The following CCDC38 variants were observed in gnomAD, a reference collection of about 807,000 sequenced individuals.
CCDC38 encodes the protein coiled-coil domain containing 38, also known as coiled-coil domain-containing protein 38.
CCDC38 carries 69 observed loss-of-function variants against 72.8 expected under a neutral mutation model. The ratio of observed to expected loss-of-function variants is 0.95; its 90% confidence interval spans 0.78 to 1.16. CCDC38 has a LOEUF of 1.16. Among genes scored for constraint, CCDC38 ranks in the 50% most tolerant of loss-of-function variants. The probability of loss-of-function intolerance (pLI) is 0.00; values close to 1 mark genes in which losing one functional copy is unlikely to be tolerated. For synonymous variants in CCDC38, 201 were observed against 213.2 expected (o/e 0.94, Z 0.50); for missense variants, 626 against 638.9 (o/e 0.98, Z 0.22).
chr12:95,904,057 G>C (rs563008176), intron 5 of CCDC38, among the ~76,000 whole-genome samples: 60 of 134,432 alleles, frequency 4.5e-4, no homozygotes, highest in Non-Finnish European at 6.9e-4. Context: ...ATTTCTTTAA[G>C]AGACATAAAG....
chr12:95,879,622 C>A lies in CCDC38; in HGVS notation c.1142+22G>T. ...TTAGAAATTGCTTAATGGAATAAAT[C>A]TACTTGTTTATAATGACTTACGTTT... On this transcript the variant is annotated intron_variant, in intron 12 of 15. Transcript: ENST00000344280. The surrounding 1 kb of genome is among the most constrained non-coding windows in gnomAD (Gnocchi z 5.5). 1.3e-6 allele frequency: 2 copies of A among 1,526,632 alleles called. No individual in the cohort carries two copies. The allele number at this position is 1,526,632 out of a possible 1,614,324, so 94.6% of individuals were successfully genotyped here. A position where few individuals can be genotyped will look rare whatever the true frequency, so the allele number is the denominator to read the frequency against.
rs1371771210 is a variant in CCDC38 at position 95,903,634 on chromosome 12, T to A, written c.369+2753A>T. On this transcript the variant is annotated intron_variant, in intron 5 of 15. Transcript: ENST00000344280. ...GATATTGTTGAGTGGTTTTTCTGCA[T>A]CAATTGGGATAATCATATGGGTTTT... 5 of 536,578 alleles carry A rather than the reference T, an allele frequency of 9.3e-6. No homozygotes were observed. The East Asian group carries it at 1.4e-4, about 16-fold the overall frequency. The allele number at this position is 536,578 out of a possible 1,614,324, so 33.2% of individuals were successfully genotyped here.
intron 8 of CCDC38, among the ~76,000 whole-genome samples, chr12:95,893,655 G>GT (rs975427460): frequency 1.3e-5 from 2 of 151,696 alleles, no homozygotes; most frequent in Admixed American, 6.6e-5. Flanking sequence ...CTAATATTTT[G>GT]TTTTTTGTAG....
chr12:95,934,587 T>TA (rs2080371714), intron 2 of CCDC38: 1 of 151,698 alleles, frequency 6.6e-6, no homozygotes, highest in South Asian at 2.1e-4. Flanking sequence ...ATCCTTTAAT[T>TA]AAAAAAGGCA....
At chr12:95,908,220 G>A (rs1421246279) in intron 4 of CCDC38, among the ~76,000 whole-genome samples, 3 of 151,622 alleles carry the variant, frequency 2.0e-5, no homozygotes, top group Non-Finnish European at 2.9e-5. Context: ...GGCACCTCGG[G>A]AGGCCGAGGC....
At chr12:95,882,857 C>G (rs1230427939) in intron 10 of CCDC38, among the ~76,000 whole-genome samples, 2 of 152,212 alleles carry the variant, frequency 1.3e-5, no homozygotes, top group African/African-American at 4.8e-5. Context: ...AACTGGACAT[C>G]ATTACCCACA....
chr12:95,872,108 A>G, intron 14 of CCDC38, 147 bp downstream of exon 14: 1 of 676,648 alleles, frequency 1.5e-6, no homozygotes, highest in Non-Finnish European at 2.6e-6. Context: ...GCTAAATAAT[A>G]GCTATATGAG....
Position 95,879,132 on chromosome 12 carries a change from A to T in CCDC38, c.1142+512T>A, listed in dbSNP as rs144777605. Reference sequence around the variant, plus strand: ...AGATGAGGAAGGAATTTTGTGAGGGATCAAATCCAGCTGCTTTCCCCTGAC... The same window carrying T: ...AGATGAGGAAGGAATTTTGTGAGGGTTCAAATCCAGCTGCTTTCCCCTGAC... On this transcript the variant is annotated intron_variant, in intron 12 of 15. Coordinates refer to ENST00000344280, the MANE Select transcript of CCDC38 (RefSeq NM_182496.3). This position sits in a 1 kb window ranked among gnomAD's most constrained non-coding sequence, Gnocchi z 5.5. 9.8e-5 allele frequency among the ~76,000 whole-genome samples: 15 copies of T among 152,310 alleles called. No individual in the cohort carries two copies. The highest frequency in any genetic ancestry group is 5.9e-4 in the Admixed American group (9 of 15,302).
intron 2 of CCDC38, among the ~76,000 whole-genome samples, chr12:95,922,488 G>A (rs1022412176): frequency 6.6e-6 from 1 of 152,186 alleles, no homozygotes; most frequent in South Asian, 2.1e-4. Context: ...AGGAGGATGT[G>A]ATTGACTTGT....
chr12:95,940,029 T>C (rs1340897796), intron 1 of CCDC38, among the ~76,000 whole-genome samples: 2 of 152,224 alleles, frequency 1.3e-5, no homozygotes, highest in African/African-American at 4.8e-5. Flanking sequence ...CCTGGTGCAA[T>C]TTTCAAACAC....
chr12:95,941,504 G>A (rs914995694), intron 1 of CCDC38, among the ~76,000 whole-genome samples: 1 of 152,050 alleles, frequency 6.6e-6, no homozygotes, highest in Non-Finnish European at 1.5e-5. Context: ...AATTCCCCAA[G>A]GTCAAACAGC....
At chr12:95,942,616 G>C (rs10859991), upstream of CCDC38, 103,951 of 152,290 alleles carry the variant, frequency 0.68, 36,340 homozygotes, top group East Asian at 0.95. Flanking sequence ...GATAAGTGCG[G>C]GGCACCCGCC....
In CCDC38 at chr12:95,917,191, CT is replaced by C; in HGVS notation, c.241del (p.Arg81GlyfsTer19). The C allele has an allele frequency of 6.2e-7, 1 of 1,608,662 alleles. No individual in the cohort carries two copies. The highest frequency in any genetic ancestry group is 1.3e-5 in the African/African-American group (1 of 74,674). On this transcript the variant is annotated frameshift_variant, in exon 4 of 16. Coordinates refer to ENST00000344280, the MANE Select transcript of CCDC38 (RefSeq NM_182496.3). LOFTEE classifies it high-confidence loss of function. ...AAACTTTTCAAATGACCTACCACTCCTTTTAGGGTAGAAAGCTAGTTGGCTC... is the reference window on the plus strand; with the variant it reads ...AAACTTTTCAAATGACCTACCACTCCTTTAGGGTAGAAAGCTAGTTGGCTC... The part of the protein sequence containing the change: ...YLSQLAFYPK[R>X]SGRSFEKFGP...
intron 15 of CCDC38, among the ~76,000 whole-genome samples, chr12:95,867,543 T>G (rs1341129864): frequency 6.6e-6 from 1 of 152,112 alleles, no homozygotes; most frequent in Non-Finnish European, 1.5e-5. Context: ...CCATAGCCAG[T>G]TTTTCGTCCA....
intron 2 of CCDC38, among the ~76,000 whole-genome samples, chr12:95,923,183 C>T (rs2080227592): frequency 6.6e-6 from 1 of 152,142 alleles, no homozygotes; most frequent in Non-Finnish European, 1.5e-5. Flanking sequence ...CTGAGTCTGA[C>T]TGAATTACAT....
At position 95,929,423 on chromosome 12, in the gene CCDC38, A is replaced by G. The variant is rs539770055; in HGVS notation, c.37+7050T>C. Among the ~76,000 whole-genome samples the G allele has an allele frequency of 2.5e-3, 379 of 152,206 alleles. 1 individual carries two copies. Among genetic ancestry groups the G allele is most frequent in the African/African-American group, 8.6e-3 (359 of 41,528 alleles). Reference sequence around the variant, plus strand: ...TCATGCACTGTGCATGCACCCACTGACCTGCGCCCACTGTCTGGCACTCCC... The same window carrying G: ...TCATGCACTGTGCATGCACCCACTGGCCTGCGCCCACTGTCTGGCACTCCC... On this transcript the variant is annotated intron_variant, in intron 2 of 15. Coordinates refer to ENST00000344280, the MANE Select transcript of CCDC38 (RefSeq NM_182496.3).
Position 95,917,186 on chromosome 12 carries a change from C to CT in CCDC38, c.246_247insA (p.Gly83ArgfsTer2). 2 of 1,607,060 alleles carry CT rather than the reference C, an allele frequency of 1.2e-6. No individual in the cohort carries two copies. Among genetic ancestry groups the CT allele is most frequent in the Non-Finnish European group, 1.7e-6 (2 of 1,178,552 alleles). ...GGCCCAAACTTTTCAAATGACCTAC[C>CT]ACTCCTTTTAGGGTAGAAAGCTAGT... On this transcript the variant is annotated frameshift_variant, in exon 4 of 16. Transcript: ENST00000344280. LOFTEE classifies it high-confidence loss of function.
intron 10 of CCDC38, among the ~76,000 whole-genome samples, chr12:95,883,194 C>A (rs1408048996): frequency 6.6e-6 from 1 of 152,176 alleles, no homozygotes; most frequent in Non-Finnish European, 1.5e-5. Context: ...TCCTAACTGG[C>A]CACTGTACCT....
chr12:95,894,973 A>T lies in CCDC38; in HGVS notation c.772+16T>A, dbSNP rs184605046. 6.3e-7 allele frequency: 1 copy of T among 1,586,412 alleles called. No individual in the cohort carries two copies. Among genetic ancestry groups the T allele is most frequent in the East Asian group, 2.3e-5 (1 of 44,274 alleles). ...AGGGATATTTAGTTCATGAAAGTTG[A>T]GTATAAGTAACTTACTTGCTAATAT... On this transcript the variant is annotated intron_variant, in intron 8 of 15. Coordinates refer to ENST00000344280, the MANE Select transcript of CCDC38 (RefSeq NM_182496.3).
Sources: allele counts gnomAD v4.1 joint callset (sites outside exome capture counted in the v4.1 genomes callset), GRCh38; gene constraint gnomAD v4.1.1; non-coding constraint Gnocchi (gnomAD v3.1); transcripts MANE v1.5; gene names NCBI Gene and HGNC (gene_info 2026-07-23, HGNC 2026-07-21).